The following HSD17B12 variants were observed in gnomAD, a reference collection of about 807,000 sequenced individuals.
HSD17B12 encodes hydroxysteroid 17-beta dehydrogenase 12.
Under a neutral mutation model 39.3 loss-of-function variants are expected in HSD17B12, and 32 were observed. That is an observed-to-expected ratio of 0.81 (90% CI 0.61 to 1.09). HSD17B12 has a LOEUF of 1.09. Among genes scored for constraint, HSD17B12 ranks in the 50% least tolerant of loss-of-function variants. The pLI is 0.00. For missense variants in HSD17B12, 342 were observed against 382.9 expected (o/e 0.89, Z 0.89); for synonymous variants, 150 against 146.7 (o/e 1.02, Z -0.16).
At chr11:43,770,907 T>C (rs1950642763) in intron 3 of HSD17B12, among the ~76,000 whole-genome samples, 1 of 152,222 alleles carries the variant, frequency 6.6e-6, no homozygotes, top group African/African-American at 2.4e-5. Flanking sequence ...AATTTATTTC[T>C]TCTATTATGG....
intron 3 of HSD17B12, among the ~76,000 whole-genome samples, chr11:43,758,971 C>T (rs1950534517): frequency 6.6e-6 from 1 of 152,206 alleles, no homozygotes; most frequent in African/African-American, 2.4e-5. Flanking sequence ...TCTTGTGATC[C>T]TACTCCTGAA....
chr11:43,578,705 A>G, the HSD17B12 span, among the ~76,000 whole-genome samples: 1 of 133,622 alleles, frequency 7.5e-6, no homozygotes, highest in African/African-American at 2.8e-5. Flanking sequence ...GGGTGGGGGG[A>G]GCGGTCGGGG....
intron 7 of HSD17B12, chr11:43,834,243 C>T (rs532567264): frequency 6.6e-6 from 1 of 152,200 alleles, no homozygotes; most frequent in Admixed American, 6.5e-5. Context: ...TGTTACAGAA[C>T]TGTCTGTGCC....
chr11:43,706,430 C>G lies in HSD17B12; in HGVS notation c.160+25443C>G, dbSNP rs183054701. On this transcript the variant is annotated intron_variant, in intron 1 of 10. Coordinates refer to ENST00000278353, the MANE Select transcript of HSD17B12 (RefSeq NM_016142.3). ...TGAGGATGCATGCTTTTAATCCCAG[C>G]TACTTTGGAGGCTGAGGTAGAAGCA... Among the ~76,000 whole-genome samples, 54 of 152,168 alleles carry G rather than the reference C, an allele frequency of 3.5e-4. No individual in the cohort carries two copies. In the Middle Eastern group the frequency reaches 0.01, roughly 29 times the overall value.
the HSD17B12 span, among the ~76,000 whole-genome samples, chr11:43,601,262 C>T: frequency 5.9e-5 from 9 of 151,744 alleles, no homozygotes; most frequent in South Asian, 2.1e-4. Context: ...ATTTTTTCTT[C>T]GGTTTCTTGA....
At chr11:43,579,092 A>C in the HSD17B12 span, 2 of 98,552 alleles carry the variant, frequency 2.0e-5, no homozygotes, top group African/African-American at 7.8e-5. Flanking sequence ...GGGGGCACCA[A>C]ATCAGTGGGG....
intron 1 of HSD17B12, among the ~76,000 whole-genome samples, chr11:43,719,629 T>A (rs115256249): frequency 0.029 from 2,341 of 79,372 alleles, 28 homozygotes; most frequent in African/African-American, 0.039. Context: ...AAAAAAAAAA[T>A]ATATATATAT....
intron 7 of HSD17B12, among the ~76,000 whole-genome samples, chr11:43,834,850 A>G (rs1426142502): frequency 3.9e-4 from 60 of 152,050 alleles, no homozygotes; most frequent in Non-Finnish European, 2.1e-4. Flanking sequence ...ATGAAAAGGT[A>G]CTTTCCTGTC....
chr11:43,573,292 T>G, the HSD17B12 span, among the ~76,000 whole-genome samples: 1 of 152,126 alleles, frequency 6.6e-6, no homozygotes, highest in African/African-American at 2.4e-5. Context: ...TTTCACCAGC[T>G]CCAGCCCAGA....
chr11:43,756,547 ATGT>A (rs970558189), intron 3 of HSD17B12, among the ~76,000 whole-genome samples: 2 of 152,198 alleles, frequency 1.3e-5, no homozygotes, highest in Admixed American at 1.3e-4. Context: ...GATTTAAAAA[ATGT>A]TGTGTTTGTG....
intron 1 of HSD17B12, among the ~76,000 whole-genome samples, chr11:43,713,237 G>A (rs1950086625): frequency 6.6e-6 from 1 of 151,882 alleles, no homozygotes; most frequent in East Asian, 1.9e-4. Context: ...CCATGAACTC[G>A]TTATTTACAT....
chr11:43,623,401 T>G, the HSD17B12 span, among the ~76,000 whole-genome samples: 1 of 151,990 alleles, frequency 6.6e-6, no homozygotes, highest in Non-Finnish European at 1.5e-5. Context: ...TTTTTGTTTT[T>G]TTTTTCATAT....
the HSD17B12 span, among the ~76,000 whole-genome samples, chr11:43,637,109 G>A: frequency 3.9e-4 from 60 of 152,140 alleles, no homozygotes; most frequent in Non-Finnish European, 6.9e-4. Context: ...TAAATATGCA[G>A]TGCTTAGAAC....
At chr11:43,654,375 G>A in the HSD17B12 span, among the ~76,000 whole-genome samples, 1 of 152,142 alleles carries the variant, frequency 6.6e-6, no homozygotes, top group Admixed American at 6.5e-5. Flanking sequence ...GGTTTCTTTT[G>A]CTGTGCAGAA....
rs536069256 is a variant in HSD17B12, at chr11:43,682,795, T to C, written c.160+1808T>C. On this transcript the variant is annotated intron_variant, in intron 1 of 10. Coordinates refer to ENST00000278353, the MANE Select transcript of HSD17B12 (RefSeq NM_016142.3). ...TTGTTGTTTTCTTTTCTTTTCTTTT[T>C]TTTTTTGAGACAGGGTCTCACTTTG... 1.5e-4 allele frequency among the ~76,000 whole-genome samples: 23 copies of C among 151,726 alleles called. No homozygotes were observed. The South Asian group carries it at 2.1e-3, about 14-fold the overall frequency.
At chr11:43,644,757 T>C in the HSD17B12 span, 1 of 152,682 alleles carries the variant, frequency 6.5e-6, no homozygotes, top group Non-Finnish European at 1.5e-5. Context: ...GTGTGAGCAG[T>C]TGCAGGAGTT....
At chr11:43,760,839 T>C (rs1177356166) in intron 3 of HSD17B12, among the ~76,000 whole-genome samples, 1 of 152,222 alleles carries the variant, frequency 6.6e-6, no homozygotes, top group Non-Finnish European at 1.5e-5. Context: ...AGAGTTAATC[T>C]CATATAGCCC....
chr11:43,812,263 A>C (rs1397524833), intron 4 of HSD17B12, among the ~76,000 whole-genome samples: 3 of 152,142 alleles, frequency 2.0e-5, no homozygotes, highest in Non-Finnish European at 1.5e-5. Context: ...ATCATGTGAT[A>C]GTTCTATTTT....
chr11:43,626,079 T>A, the HSD17B12 span, among the ~76,000 whole-genome samples: 2 of 151,718 alleles, frequency 1.3e-5, no homozygotes, highest in East Asian at 3.9e-4. Flanking sequence ...ACTAAGATGG[T>A]ATTAATTGCT....
Sources: allele counts gnomAD v4.1 joint callset (sites outside exome capture counted in the v4.1 genomes callset), GRCh38; gene constraint gnomAD v4.1.1; transcripts MANE v1.5; gene names NCBI Gene and HGNC (gene_info 2026-07-23, HGNC 2026-07-21).